The following DDC variants were observed in gnomAD, a reference collection of about 807,000 sequenced individuals.
The protein encoded by DDC is aromatic-L-amino-acid decarboxylase.
Under a neutral mutation model 60.0 loss-of-function variants are expected in DDC, and 43 were observed. That is an observed-to-expected ratio of 0.72 (90% CI 0.56 to 0.92). DDC has a LOEUF of 0.92. Among genes scored for constraint, DDC ranks in the 40% least tolerant of loss-of-function variants. DDC has a pLI of 0.00. For synonymous variants in DDC, 232 were observed against 234.6 expected, an observed-to-expected ratio of 0.99 and a Z score of 0.10; for missense variants, 573 against 620.2, an observed-to-expected ratio of 0.92 and a Z score of 0.81.
At chr7:50,519,479 G>A (rs778991056) in intron 6 of DDC, among the ~76,000 whole-genome samples, 12 of 152,174 alleles carry the variant, frequency 7.9e-5, no homozygotes, top group Admixed American at 2.0e-4. Context: ...TTGCAAAATC[G>A]TGGAACCAAC....
intron 6 of DDC, among the ~76,000 whole-genome samples, chr7:50,513,323 C>G (rs1378947566): frequency 6.6e-6 from 1 of 152,216 alleles, no homozygotes; most frequent in Non-Finnish European, 1.5e-5. Context: ...CAGAAAGGCA[C>G]TGGGAACTCA....
intron 1 of DDC, among the ~76,000 whole-genome samples, chr7:50,546,467 A>G (rs2044810018): frequency 6.6e-6 from 1 of 152,178 alleles, no homozygotes; most frequent in Non-Finnish European, 1.5e-5. Flanking sequence ...ACTCTGGATG[A>G]GATACCAAAA....
intron 12 of DDC, 30 bp from the exon 13 acceptor site, chr7:50,467,345 T>C: frequency 6.3e-7 from 1 of 1,575,704 alleles, no homozygotes; most frequent in Non-Finnish European, 8.7e-7. Flanking sequence ...AATCTGTTTT[T>C]CTCATGGCCA....
chr7:50,537,471 GTGT>G (rs1159546950), intron 4 of DDC, among the ~76,000 whole-genome samples: 2 of 152,234 alleles, frequency 1.3e-5, no homozygotes, highest in African/African-American at 2.4e-5. Flanking sequence ...AAAATGCACA[GTGT>G]TGTTGTGAGA....
intron 4 of DDC, among the ~76,000 whole-genome samples, chr7:50,534,004 C>A (rs1334695552): frequency 6.6e-6 from 1 of 152,236 alleles, no homozygotes; most frequent in East Asian, 1.9e-4. Context: ...GCTGGAGCAG[C>A]TTGCTTTTAT....
intron 6 of DDC, among the ~76,000 whole-genome samples, chr7:50,527,509 T>C (rs536321929): frequency 2.3e-4 from 35 of 152,334 alleles, no homozygotes; most frequent in African/African-American, 8.2e-4. Flanking sequence ...GAATGATCTT[T>C]CTTCCAAATC....
chr7:50,496,694 G>A lies in DDC; in HGVS notation c.877-1277C>T, dbSNP rs79906783. 2.7e-3 allele frequency among the ~76,000 whole-genome samples: 405 copies of A among 152,294 alleles called. 2 individuals carry two copies. Among genetic ancestry groups the A allele is most frequent in the African/African-American group, 9.2e-3 (383 of 41,564 alleles). ...GGCCAGGGATTTGGCCATGCGGCTG[G>A]ATTCATAATTGATACCGAAATAAAG... On this transcript the variant is annotated intron_variant, in intron 8 of 14. Coordinates refer to ENST00000444124, the MANE Select transcript of DDC (RefSeq NM_001082971.2).
chr7:50,533,103 A>G (rs1251875513), intron 4 of DDC, among the ~76,000 whole-genome samples: 1 of 152,222 alleles, frequency 6.6e-6, no homozygotes, highest in Non-Finnish European at 1.5e-5. Flanking sequence ...CAATATTTAA[A>G]TAGTGGGAAA....
At chr7:50,485,311 G>A (rs2042858894) in intron 9 of DDC, among the ~76,000 whole-genome samples, 1 of 152,138 alleles carries the variant, frequency 6.6e-6, no homozygotes, top group African/African-American at 2.4e-5. Flanking sequence ...CTTATGAACA[G>A]AATAATTATT....
intron 1 of DDC, among the ~76,000 whole-genome samples, chr7:50,550,070 A>G (rs2044937520): frequency 6.6e-6 from 1 of 152,266 alleles, no homozygotes; most frequent in Admixed American, 6.5e-5. Flanking sequence ...GTAAAATGCT[A>G]TCAAACAGCA....
intron 14 of DDC, among the ~76,000 whole-genome samples, chr7:50,460,651 A>G (rs1021542857): frequency 6.6e-6 from 1 of 151,626 alleles, no homozygotes; most frequent in South Asian, 2.1e-4. Context: ...GATGGTTGCC[A>G]TGTCTGTGTA....
At position 50,489,518 on chromosome 7, in the gene DDC, A is replaced by C. The variant is rs111750705; in HGVS notation, c.944+5832T>G. ...GGACTTTGACTCCTGGGTCTAAAAA[A>C]GATACCAAGTCCAGCTAAATCTTAA... On this transcript the variant is annotated intron_variant, in intron 9 of 14. Transcript: ENST00000444124. Among the ~76,000 whole-genome samples the C allele has an allele frequency of 7.0e-4, 106 of 152,338 alleles. 1 individual carries two copies. The highest frequency in any genetic ancestry group is 2.5e-3 in the African/African-American group (104 of 41,574).
At chr7:50,460,233 T>G (rs1422573384) in intron 14 of DDC, among the ~76,000 whole-genome samples, 3 of 98,366 alleles carry the variant, frequency 3.0e-5, no homozygotes, top group African/African-American at 8.9e-5. Context: ...GGGAGGGAGG[T>G]GGGGGGTCAG....
At chr7:50,539,603 G>A (rs889887340) in intron 3 of DDC, among the ~76,000 whole-genome samples, 1 of 152,218 alleles carries the variant, frequency 6.6e-6, no homozygotes, top group African/African-American at 2.4e-5. Context: ...GCTGCTTGGA[G>A]AAATGCAGAT....
rs959062864 is a variant in DDC at position 50,458,649 on chromosome 7, A to G, written c.*213T>C. On this transcript the variant is annotated 3_prime_UTR_variant, in exon 15 of 15. Coordinates refer to ENST00000444124, the MANE Select transcript of DDC (RefSeq NM_001082971.2). ...CAGCTAATGAATAAAAGCTATGGCC[A>G]TGAAGATTAACTTTTTAATTAGCAA... 1.3e-5 allele frequency: 2 copies of G among 152,250 alleles called. No homozygotes were observed. Among genetic ancestry groups the G allele is most frequent in the African/African-American group, 4.8e-5 (2 of 41,468 alleles). The allele number at this position is 152,250 out of a possible 1,614,324, so 9.4% of individuals were successfully genotyped here.
At chr7:50,519,687 A>G (rs533387370) in intron 6 of DDC, among the ~76,000 whole-genome samples, 1 of 152,288 alleles carries the variant, frequency 6.6e-6, no homozygotes, top group East Asian at 1.9e-4. Context: ...GAGCTAAGCT[A>G]TGAAGACACA....
At chr7:50,465,087 G>A (rs979543743) in intron 13 of DDC, among the ~76,000 whole-genome samples, 1 of 152,164 alleles carries the variant, frequency 6.6e-6, no homozygotes, top group African/African-American at 2.4e-5. Context: ...TACACAGATG[G>A]GTTTGGTGGC....
Position 50,516,680 on chromosome 7 carries a change from A to G in DDC, c.714+11457T>C, listed in dbSNP as rs2043740761. ...AGTTAAATAAAATTGATAGACCATT[A>G]GCAAGATTAACCAAGAAAAGAAGAC... On this transcript the variant is annotated intron_variant, in intron 6 of 14. Coordinates refer to ENST00000444124, the MANE Select transcript of DDC (RefSeq NM_001082971.2). Among the ~76,000 whole-genome samples the G allele has an allele frequency of 3.3e-5, 5 of 152,210 alleles. No individual in the cohort carries two copies. The South Asian group carries it at 1.0e-3, about 32-fold the overall frequency.
At chr7:50,469,196 G>A (rs528416627) in intron 12 of DDC, among the ~76,000 whole-genome samples, 6 of 147,240 alleles carry the variant, frequency 4.1e-5, no homozygotes, top group Admixed American at 6.9e-5. Flanking sequence ...TGCCCACCTC[G>A]GCCTCCCAAA....
Sources: gnomAD v4.1 joint callset for allele counts (sites outside exome capture counted in the v4.1 genomes callset) on GRCh38, gnomAD v4.1.1 for gene constraint, MANE v1.5 for transcripts, NCBI Gene and HGNC (gene_info 2026-07-23, HGNC 2026-07-21) for gene names.